Variants in FAP observed in about 807,000 individuals in gnomAD.
FAP encodes the protein fibroblast activation protein alpha, also known as prolyl endopeptidase FAP.
Under a neutral mutation model 126.5 loss-of-function variants are expected in FAP, and 110 were observed. The observed-to-expected ratio is 0.87, with a 90% CI of 0.74 to 1.02. The LOEUF is 1.02. FAP is among the 50% of genes least tolerant of loss of function. The pLI is 0.00. For synonymous variants in FAP, 334 were observed against 297.3 expected, an observed-to-expected ratio of 1.12 and a Z score of -1.27; for missense variants, 919 against 909.2, an observed-to-expected ratio of 1.01 and a Z score of -0.14.
chr2:162,231,207 G>A (rs1328503046), intron 2 of FAP, among the ~76,000 whole-genome samples: 1 of 152,166 alleles, frequency 6.6e-6, no homozygotes. Context: ...TGTTTGGAAT[G>A]TGTGTATGTG....
intron 16 of FAP, chr2:162,198,121 A>G: frequency 8.3e-7 from 1 of 1,208,106 alleles, no homozygotes; most frequent in South Asian, 1.4e-5. Flanking sequence ...CTAAACAACC[A>G]GGAAATGTTT....
intron 2 of FAP, among the ~76,000 whole-genome samples, chr2:162,239,830 A>G (rs1036609725): frequency 3.9e-5 from 6 of 152,240 alleles, no homozygotes; most frequent in African/African-American, 1.4e-4. Context: ...CTATAAGCCA[A>G]GGAGGAATGG....
intron 4 of FAP, 98 bp from the exon 5 acceptor site, chr2:162,224,638 T>G (rs759565994): frequency 6.5e-5 from 41 of 633,030 alleles, no homozygotes; most frequent in Non-Finnish European, 9.8e-5. Flanking sequence ...AACATACTCC[T>G]ACATGCATAG....
chr2:162,222,502 A>T (rs531171860), intron 6 of FAP, among the ~76,000 whole-genome samples: 113 of 152,324 alleles, frequency 7.4e-4, no homozygotes, highest in Non-Finnish European at 1.2e-3. Context: ...ATAATTTTTT[A>T]AAAAATTTTT....
intron 2 of FAP, among the ~76,000 whole-genome samples, chr2:162,232,666 A>G (rs1689946790): frequency 6.6e-6 from 1 of 152,226 alleles, no homozygotes; most frequent in Non-Finnish European, 1.5e-5. Flanking sequence ...TTTCTCTATG[A>G]ACAATACTGA....
intron 4 of FAP, among the ~76,000 whole-genome samples, chr2:162,225,277 G>A (rs554605274): frequency 2.0e-5 from 3 of 152,246 alleles, no homozygotes; most frequent in East Asian, 3.9e-4. Flanking sequence ...TATATTCAAA[G>A]AGGAGGAAAG....
chr2:162,195,449 A>G (rs564960183), intron 16 of FAP, among the ~76,000 whole-genome samples: 30 of 151,844 alleles, frequency 2.0e-4, no homozygotes, highest in Non-Finnish European at 3.8e-4. Context: ...TTTACCCCCT[A>G]GCATGGAGCT....
chr2:162,198,212 A>C, intron 16 of FAP: 1 of 1,289,718 alleles, frequency 7.8e-7, no homozygotes, highest in South Asian at 1.2e-5. Context: ...ACAAAGGTTC[A>C]TCTTCTATCC....
intron 16 of FAP, among the ~76,000 whole-genome samples, chr2:162,196,770 T>G (rs1177345567): frequency 6.6e-6 from 1 of 152,156 alleles, no homozygotes; most frequent in Non-Finnish European, 1.5e-5. Flanking sequence ...AGGGAAAGAT[T>G]TCAAGGTTTT....
intron 9 of FAP, among the ~76,000 whole-genome samples, chr2:162,217,322 C>A (rs887482696): frequency 6.6e-6 from 1 of 152,154 alleles, no homozygotes; most frequent in Admixed American, 6.5e-5. Flanking sequence ...ACTTTGATTC[C>A]ATTTTTTCTG....
chr2:162,207,687 G>A (rs1274770876), intron 12 of FAP, among the ~76,000 whole-genome samples: 1 of 151,194 alleles, frequency 6.6e-6, no homozygotes, highest in Non-Finnish European at 1.5e-5. Flanking sequence ...TTCTCTCAAA[G>A]GAGACATATG....
chr2:162,189,588 G>T, intron 18 of FAP, 68 bp downstream of exon 18: 1 of 841,764 alleles, frequency 1.2e-6, no homozygotes, highest in Non-Finnish European at 1.9e-6. Flanking sequence ...TTCACTCTAT[G>T]CTTTTTTAAA....
chr2:162,170,831 C>T lies in FAP; in HGVS notation c.*148G>A, dbSNP rs1687277817. On this transcript the variant is annotated 3_prime_UTR_variant, in exon 26 of 26. Coordinates refer to ENST00000188790, the MANE Select transcript of FAP (RefSeq NM_004460.5). ...AATATTTAGCTTGAACTTCTGAGTCCTCATCTTTTTTTTAACAGCCTTTAG... is the reference window on the plus strand; with the variant it reads ...AATATTTAGCTTGAACTTCTGAGTCTTCATCTTTTTTTTAACAGCCTTTAG... 1 of 588,948 alleles carries T rather than the reference C, an allele frequency of 1.7e-6. No homozygotes were observed. Among genetic ancestry groups the T allele is most frequent in the African/African-American group, 1.9e-5 (1 of 53,742 alleles). 36.5% of individuals were successfully genotyped at this position (588,948 alleles called of 1,614,324 possible). A position where few individuals can be genotyped will look rare whatever the true frequency, so the allele number is the denominator to read the frequency against.
Position 162,225,544 on chromosome 2 carries a change from T to G in FAP, c.224A>C (p.Asn75Thr). The G allele has an allele frequency of 6.2e-7, 1 of 1,600,002 alleles. No homozygotes were observed. The highest frequency in any genetic ancestry group is 8.5e-7 in the Non-Finnish European group (1 of 1,172,414). Residue 75 changes from asparagine (N) to threonine (T), a missense_variant, in exon 4 of 26, where the codon AAT becomes ACT. Transcript: ENST00000188790. The stretch of plus-strand genomic sequence containing the variant: ...TGTTTCAATATTATAAAGTACTATA[T>G]TGTTATCTGCAGATTGATGAAGATA... ...QEYLHQSADN[N>T]IVLYNIETGQ...
intron 25 of FAP, 78 bp downstream of exon 25, chr2:162,172,731 TAA>T: frequency 2.2e-6 from 2 of 909,558 alleles, no homozygotes; most frequent in Non-Finnish European, 3.5e-6. Flanking sequence ...CTTTAAAAGT[TAA>T]AAAAAATAAA....
chr2:162,182,991 G>T (rs1384730699), intron 21 of FAP, among the ~76,000 whole-genome samples: 3 of 152,164 alleles, frequency 2.0e-5, no homozygotes, highest in African/African-American at 7.2e-5. Flanking sequence ...AGATATGACT[G>T]CTAGGCTAGG....
rs141432423 is a variant in FAP at position 162,186,217 on chromosome 2, C to T, written c.1814+1952G>A. On this transcript the variant is annotated intron_variant, in intron 20 of 25. Transcript: ENST00000188790. Reference sequence around the variant, plus strand: ...TGGCATGTATTAATATTAATATTTGCTATGTTGTTGAATGGCTGAGTATAT... The same window carrying T: ...TGGCATGTATTAATATTAATATTTGTTATGTTGTTGAATGGCTGAGTATAT... Among the ~76,000 whole-genome samples the T allele has an allele frequency of 1.4e-3, 214 of 152,136 alleles. 1 individual carries two copies. Among genetic ancestry groups the T allele is most frequent in the African/African-American group, 4.9e-3 (203 of 41,508 alleles).
intron 21 of FAP, chr2:162,175,184 G>A (rs923042985): frequency 2.2e-6 from 1 of 453,634 alleles, no homozygotes; most frequent in Non-Finnish European, 4.0e-6. Flanking sequence ...TACTTGGTGT[G>A]CTGATCAGAA....
In FAP at chr2:162,189,732, G is replaced by A. The variant is rs746050369; in HGVS notation, c.1473C>T (p.Asn491=). 2 of 1,577,488 alleles carry A rather than the reference G, an allele frequency of 1.3e-6. No homozygotes were observed. The highest frequency in any genetic ancestry group is 1.7e-6 in the Non-Finnish European group (2 of 1,157,298). ...TTTTCAAAGCATTTTCCAATTCCTT[G>A]TTTTCTTCCAGGATTTTAATTTCTG... is the stretch of plus-strand genomic sequence containing the variant. ...TDQEIKILEE[N]KELENALKNI... Residue 491 remains asparagine, a synonymous_variant, in exon 18 of 26, where the codon AAC becomes AAT. Transcript: ENST00000188790.
Sources: gnomAD v4.1 joint callset for allele counts (sites outside exome capture counted in the v4.1 genomes callset) on GRCh38, gnomAD v4.1.1 for gene constraint, MANE v1.5 for transcripts, NCBI Gene and HGNC (gene_info 2026-07-23, HGNC 2026-07-21) for gene names.